The following RAD51B variants were observed in gnomAD, a reference collection of about 807,000 sequenced individuals.
RAD51B encodes the protein DNA repair protein RAD51 homolog 2.
In RAD51B, 38 loss-of-function variants were observed where a neutral mutation model predicts 42.2. The ratio of observed to expected loss-of-function variants is 0.90; its 90% confidence interval spans 0.70 to 1.18. The LOEUF (loss-of-function observed/expected upper bound fraction) is 1.18. Ranked by LOEUF, RAD51B falls within the 50% of genes most tolerant of loss-of-function variation. The pLI, the probability that RAD51B is intolerant of heterozygous loss-of-function variation, is 0.00. For missense variants in RAD51B, 373 were observed against 400.7 expected, an observed-to-expected ratio of 0.93 and a Z score of 0.59; for synonymous variants, 154 against 145.2, an observed-to-expected ratio of 1.06 and a Z score of -0.43.
intron 7 of RAD51B, among the ~76,000 whole-genome samples, chr14:67,901,240 G>A (rs1459633664): frequency 6.6e-6 from 1 of 152,210 alleles, no homozygotes; most frequent in Non-Finnish European, 1.5e-5. Flanking sequence ...CTAAGCGAAA[G>A]CCACAGGGGT....
intron 7 of RAD51B, among the ~76,000 whole-genome samples, chr14:68,076,474 A>C (rs2076835491): frequency 6.6e-6 from 1 of 152,234 alleles, no homozygotes. Context: ...TAACACATGG[A>C]AAGTAAAAGA....
Position 68,503,963 on chromosome 14 carries a change from G to T in RAD51B, c.1036+35713G>T, listed in dbSNP as rs147422851. Among the ~76,000 whole-genome samples, 3 of 152,078 alleles carry T rather than the reference G, an allele frequency of 2.0e-5. 1 individual carries two copies. The East Asian group carries it at 5.8e-4, about 29-fold the overall frequency. Reference sequence around the variant, plus strand: ...TTGGAATCATTTTAAAAACAGAGTCGGTAGATAATAAAACTTCACGGTGGT... The same window carrying T: ...TTGGAATCATTTTAAAAACAGAGTCTGTAGATAATAAAACTTCACGGTGGT... On this transcript the variant is annotated intron_variant, in intron 10 of 10. Transcript: ENST00000487270.
intron 8 of RAD51B, among the ~76,000 whole-genome samples, chr14:68,382,331 G>GGA (rs10648671): frequency 0.046 from 7,005 of 152,186 alleles, 514 homozygotes; most frequent in African/African-American, 0.15. Flanking sequence ...AGTGGGAAAG[G>GGA]GAGAGAGAGG....
chr14:68,270,214 T>C (rs151252433), intron 7 of RAD51B, among the ~76,000 whole-genome samples: 3 of 152,338 alleles, frequency 2.0e-5, no homozygotes, highest in African/African-American at 7.2e-5. Flanking sequence ...GAATATATGT[T>C]GCTATATCCT....
At chr14:67,864,661 G>C (rs971334227) in intron 4 of RAD51B, 1 of 353,734 alleles carries the variant, frequency 2.8e-6, no homozygotes, top group Non-Finnish European at 5.6e-6. Flanking sequence ...TGAGGAAAAG[G>C]TATAGAATGC....
chr14:68,671,025 C>A (rs1429449580), intron 11 of RAD51B, among the ~76,000 whole-genome samples: 4 of 152,316 alleles, frequency 2.6e-5, no homozygotes, highest in East Asian at 1.9e-4. Context: ...TGCTGGCCCC[C>A]CCAAGATGGT....
At chr14:68,231,537 A>G (rs1454672116) in intron 7 of RAD51B, among the ~76,000 whole-genome samples, 1 of 152,184 alleles carries the variant, frequency 6.6e-6, no homozygotes, top group African/African-American at 2.4e-5. Context: ...TTGTGTGCCA[A>G]AAGGCAAAAT....
intron 7 of RAD51B, among the ~76,000 whole-genome samples, chr14:68,071,779 G>A (rs1024420142): frequency 6.6e-6 from 1 of 151,728 alleles, no homozygotes; most frequent in Non-Finnish European, 1.5e-5. Context: ...TGGCTTCATA[G>A]AATGAGTAAG....
Position 68,318,360 on chromosome 14 carries a change from G to A in RAD51B, c.853+26380G>A, listed in dbSNP as rs8017304. 0.54 allele frequency among the ~76,000 whole-genome samples: 82,130 copies of A among 151,914 alleles called. 23,484 individuals are homozygous for A. The highest frequency in any genetic ancestry group is 0.65 in the South Asian group (3,135 of 4,824). On this transcript the variant is annotated intron_variant, in intron 8 of 10. Transcript: ENST00000471583. The stretch of plus-strand genomic sequence containing the variant: ...TTGAAAGAGTAGTCACTGCACCTGA[G>A]TAGCCTTAGGAAATGAATAGGAGGT...
chr14:68,126,233 A>G (rs894027680), intron 7 of RAD51B, among the ~76,000 whole-genome samples: 1 of 152,304 alleles, frequency 6.6e-6, no homozygotes, highest in African/African-American at 2.4e-5. Flanking sequence ...ATTCGTATTC[A>G]TAATAGCACT....
At chr14:67,917,981 G>A (rs1308690746) in intron 7 of RAD51B, among the ~76,000 whole-genome samples, 1 of 152,054 alleles carries the variant, frequency 6.6e-6, no homozygotes, top group African/African-American at 2.4e-5. Context: ...ATTGCTACAT[G>A]AAACAAGAAT....
chr14:67,940,380 C>T (rs1226320558), intron 7 of RAD51B, among the ~76,000 whole-genome samples: 1 of 151,852 alleles, frequency 6.6e-6, no homozygotes, highest in African/African-American at 2.4e-5. Flanking sequence ...ACCCAGCCTT[C>T]CCAGTCTGAA....
chr14:68,441,142 C>T (rs1185361539), intron 9 of RAD51B, among the ~76,000 whole-genome samples: 2 of 152,210 alleles, frequency 1.3e-5, no homozygotes, highest in Non-Finnish European at 2.9e-5. Context: ...TTAGTTCTTT[C>T]TTCTGACCAA....
chr14:68,159,279 A>T (rs1464315047), intron 7 of RAD51B, among the ~76,000 whole-genome samples: 1 of 152,164 alleles, frequency 6.6e-6, no homozygotes, highest in African/African-American at 2.4e-5. Context: ...TTAAAATTTA[A>T]AAAATTGATT....
intron 10 of RAD51B, among the ~76,000 whole-genome samples, chr14:68,514,713 T>G (rs1354061271): frequency 6.6e-6 from 1 of 152,220 alleles, no homozygotes; most frequent in Non-Finnish European, 1.5e-5. Context: ...AGGAAGTTAT[T>G]TGCCAGGCCA....
chr14:68,353,060 G>A (rs2082822610), intron 8 of RAD51B, among the ~76,000 whole-genome samples: 1 of 152,156 alleles, frequency 6.6e-6, no homozygotes, highest in Non-Finnish European at 1.5e-5. Context: ...TTTATTATTA[G>A]CAATGTCAGA....
At chr14:68,436,725 A>C (rs2085157594) in intron 9 of RAD51B, among the ~76,000 whole-genome samples, 1 of 152,034 alleles carries the variant, frequency 6.6e-6, no homozygotes, top group Admixed American at 6.6e-5. Context: ...CCTTGTTGAG[A>C]TATTTCACTT....
intron 7 of RAD51B, among the ~76,000 whole-genome samples, chr14:67,892,294 C>A (rs1010827376): frequency 6.6e-6 from 1 of 152,160 alleles, no homozygotes; most frequent in African/African-American, 2.4e-5. Context: ...AAAAGTGTAT[C>A]TTTCTTTTAT....
intron 7 of RAD51B, among the ~76,000 whole-genome samples, chr14:68,281,807 A>G (rs1424196837): frequency 6.6e-6 from 1 of 152,142 alleles, no homozygotes; most frequent in Non-Finnish European, 1.5e-5. Context: ...CACAGCATAT[A>G]TGCCTCACCT....
Sources: gnomAD v4.1 joint callset for allele counts (sites outside exome capture counted in the v4.1 genomes callset) on GRCh38, gnomAD v4.1.1 for gene constraint, MANE v1.5 for transcripts, NCBI Gene and HGNC (gene_info 2026-07-23, HGNC 2026-07-21) for gene names.